The following CTNNA1 variants were observed in gnomAD, a reference collection of about 807,000 sequenced individuals.
The protein encoded by CTNNA1 is catenin alpha-1.
In CTNNA1, 37 loss-of-function variants were observed where a neutral mutation model predicts 98.4. The observed-to-expected ratio is 0.38, with a 90% CI of 0.29 to 0.49. The LOEUF is 0.49. CTNNA1 is among the 20% of genes least tolerant of loss of function. CTNNA1 has a pLI of 0.95. For synonymous variants in CTNNA1, 404 were observed against 413.2 expected (o/e 0.98, Z 0.27); for missense variants, 761 against 1,147.2 (o/e 0.66, Z 4.86).
chr5:138,892,488 G>A (rs900744283), intron 9 of CTNNA1, among the ~76,000 whole-genome samples: 1 of 151,348 alleles, frequency 6.6e-6, no homozygotes, highest in South Asian at 2.1e-4. Context: ...ACAGGTGCCT[G>A]CTGTCACGCC....
intron 3 of CTNNA1, among the ~76,000 whole-genome samples, chr5:138,785,208 C>T (rs1755543135): frequency 6.6e-6 from 1 of 150,610 alleles, no homozygotes; most frequent in Non-Finnish European, 1.5e-5. Context: ...ACTACAGGCG[C>T]CCGCCACTAC....
intron 7 of CTNNA1, among the ~76,000 whole-genome samples, chr5:138,830,815 A>G (rs949099250): frequency 1.3e-5 from 2 of 152,166 alleles, no homozygotes; most frequent in Non-Finnish European, 2.9e-5. Context: ...AGGGGGTTTA[A>G]TGGGAGTGTC....
intron 10 of CTNNA1, among the ~76,000 whole-genome samples, chr5:138,911,666 T>G (rs1760658867): frequency 6.6e-6 from 1 of 152,242 alleles, no homozygotes; most frequent in African/African-American, 2.4e-5. Flanking sequence ...TGATTTTAGC[T>G]CTGTAAGACC....
chr5:138,840,742 T>A (rs919557689), intron 7 of CTNNA1, among the ~76,000 whole-genome samples: 2 of 151,268 alleles, frequency 1.3e-5, no homozygotes, highest in Non-Finnish European at 2.9e-5. Context: ...TACATTTTTT[T>A]AAAATTAGGT....
chr5:138,856,783 A>G (rs1009741185), intron 7 of CTNNA1, among the ~76,000 whole-genome samples: 5 of 152,222 alleles, frequency 3.3e-5, no homozygotes, highest in African/African-American at 1.2e-4. Context: ...TCCCTCTACT[A>G]CAAGGTAGAA....
At chr5:138,759,446 C>CT (rs979929528) in intron 1 of CTNNA1, among the ~76,000 whole-genome samples, 12 of 152,264 alleles carry the variant, frequency 7.9e-5, no homozygotes, top group Admixed American at 6.5e-4. Flanking sequence ...ATATCCTAGT[C>CT]TTTAAAGTCT....
intron 9 of CTNNA1, among the ~76,000 whole-genome samples, chr5:138,893,908 C>T (rs945786937): frequency 8.6e-5 from 13 of 150,950 alleles, no homozygotes; most frequent in African/African-American, 2.7e-4. Context: ...AGGCGTGAGC[C>T]ACCGCGCCTG....
chr5:138,917,130 C>G (rs1364007040), intron 10 of CTNNA1, among the ~76,000 whole-genome samples: 1 of 152,122 alleles, frequency 6.6e-6, no homozygotes, highest in Admixed American at 6.5e-5. Context: ...TTTTGTTTGT[C>G]AAATATGACT....
intron 9 of CTNNA1, among the ~76,000 whole-genome samples, chr5:138,889,250 G>A (rs1754811124): frequency 6.6e-6 from 1 of 152,168 alleles, no homozygotes. Context: ...CTGAAGAGAG[G>A]GCAGTCCTTG....
At chr5:138,779,935 T>G (rs1054416672) in intron 1 of CTNNA1, among the ~76,000 whole-genome samples, 2 of 151,988 alleles carry the variant, frequency 1.3e-5, no homozygotes, top group African/African-American at 4.8e-5. Context: ...AGGCTGGTTG[T>G]TTTGTTTTTT....
intron 14 of CTNNA1, among the ~76,000 whole-genome samples, chr5:138,930,110 A>G (rs1439752167): frequency 6.6e-6 from 1 of 152,226 alleles, no homozygotes; most frequent in Non-Finnish European, 1.5e-5. Context: ...AATGTCCATC[A>G]GGGCCCACCA....
rs756586452 is a variant in CTNNA1 at position 138,825,482 on chromosome 5, GTTTTTT to G, written c.858+694_858+699del. On this transcript the variant is annotated intron_variant, in intron 6 of 17. Coordinates refer to ENST00000302763, the MANE Select transcript of CTNNA1 (RefSeq NM_001903.5). ...CTTCCAGTAGATGGCAGCAGTATAA[GTTTTTT>G]TTTTTTTTTTAGGGCTTTAAAAGTA... is the stretch of plus-strand genomic sequence containing the variant. 2.7e-5 allele frequency among the ~76,000 whole-genome samples: 2 copies of G among 74,114 alleles called. 1 individual carries two copies. Among genetic ancestry groups the G allele is most frequent in the Non-Finnish European group, 4.8e-5 (2 of 42,018 alleles). 48.6% of individuals were successfully genotyped at this position (74,114 alleles called of 152,430 possible).
At chr5:138,807,707 T>G (rs1375437434) in intron 3 of CTNNA1, among the ~76,000 whole-genome samples, 1 of 152,114 alleles carries the variant, frequency 6.6e-6, no homozygotes, top group Non-Finnish European at 1.5e-5. Context: ...CATCTCTTGC[T>G]TATTCTCTCT....
At chr5:138,851,998 A>C (rs1763230292) in intron 7 of CTNNA1, among the ~76,000 whole-genome samples, 1 of 152,144 alleles carries the variant, frequency 6.6e-6, no homozygotes, top group South Asian at 2.1e-4. Flanking sequence ...TGAACCTGGG[A>C]GGTGGAGGTT....
intron 8 of CTNNA1, among the ~76,000 whole-genome samples, chr5:138,886,604 G>A (rs963953262): frequency 6.6e-6 from 1 of 152,124 alleles, no homozygotes; most frequent in African/African-American, 2.4e-5. Context: ...GGATCTTGTT[G>A]TATTGACTAT....
intron 7 of CTNNA1, among the ~76,000 whole-genome samples, chr5:138,841,963 A>T (rs565183722): frequency 6.6e-6 from 1 of 152,196 alleles, no homozygotes; most frequent in Non-Finnish European, 1.5e-5. Context: ...TACTGGTTTT[A>T]TAGATTCAAA....
chr5:138,927,047 G>A (rs142876905), intron 13 of CTNNA1, among the ~76,000 whole-genome samples: 28 of 152,154 alleles, frequency 1.8e-4, no homozygotes, highest in Admixed American at 6.5e-4. Context: ...TTGGCTCTCC[G>A]TTCACAGTAG....
At chr5:138,782,698 C>G (rs545595260) in intron 2 of CTNNA1, among the ~76,000 whole-genome samples, 1 of 152,142 alleles carries the variant, frequency 6.6e-6, no homozygotes, top group Non-Finnish European at 1.5e-5. Context: ...GGCAATCATT[C>G]GTTTATTGGG....
chr5:138,756,414 G>A (rs1004349199), intron 1 of CTNNA1, among the ~76,000 whole-genome samples: 5 of 151,942 alleles, frequency 3.3e-5, no homozygotes, highest in African/African-American at 9.7e-5. Context: ...TGATCCACTC[G>A]CCTCAGCCTC....
Sources: allele counts gnomAD v4.1 joint callset (sites outside exome capture counted in the v4.1 genomes callset), GRCh38; gene constraint gnomAD v4.1.1; transcripts MANE v1.5; gene names NCBI Gene and HGNC (gene_info 2026-07-23, HGNC 2026-07-21).